Variants in CDC42BPA observed in about 807,000 individuals in gnomAD.
CDC42BPA encodes the protein CDC42 binding protein kinase alpha.
CDC42BPA carries 80 observed loss-of-function variants against 223.5 expected under a neutral mutation model. That is an observed-to-expected ratio of 0.36 (90% confidence interval 0.30 to 0.43). The LOEUF (loss-of-function observed/expected upper bound fraction) is 0.43. Ranked by LOEUF, CDC42BPA falls within the 20% of genes least tolerant of loss-of-function variation. CDC42BPA has a pLI of 1.00. For synonymous variants in CDC42BPA, 694 were observed against 718.6 expected, an observed-to-expected ratio of 0.97 and a Z score of 0.55; for missense variants, 1,743 against 2,099.9, an observed-to-expected ratio of 0.83 and a Z score of 3.32.
chr1:227,183,951 A>G (rs936359427), intron 5 of CDC42BPA, among the ~76,000 whole-genome samples: 3 of 152,190 alleles, frequency 2.0e-5, no homozygotes, highest in African/African-American at 4.8e-5. Context: ...ATTCAATATC[A>G]GTATATTGAA....
chr1:227,136,300 A>G (rs1658554126), intron 10 of CDC42BPA, among the ~76,000 whole-genome samples: 1 of 152,214 alleles, frequency 6.6e-6, no homozygotes, highest in Admixed American at 6.5e-5. Context: ...AGAAGCCAGA[A>G]CTAGTGAACC....
At chr1:227,255,868 G>C (rs563682737) in intron 1 of CDC42BPA, among the ~76,000 whole-genome samples, 84 of 152,198 alleles carry the variant, frequency 5.5e-4, no homozygotes, top group Non-Finnish European at 1.1e-3. Flanking sequence ...TTGTTAATAT[G>C]ACAATGTTAC....
Position 227,028,906 on chromosome 1 carries a change from A to G in CDC42BPA, c.4183T>C (p.Cys1395Arg). 6.2e-7 allele frequency: 1 copy of G among 1,614,020 alleles called. No homozygotes were observed. The highest frequency in any genetic ancestry group is 8.5e-7 in the Non-Finnish European group (1 of 1,179,888). ...AGAAATCCTGACTGGAATCCCACACAGAGTTGTTCACTGAAGATTGCCATC... is the reference window on the plus strand; with the variant it reads ...AGAAATCCTGACTGGAATCCCACACGGAGTTGTTCACTGAAGATTGCCATC... ...QWMAIFSEQL[C>R]VGFQSGFLRY... Residue 1395 changes from cysteine to arginine, a missense_variant, in exon 30 of 37, where the codon TGT becomes CGT. Transcript: ENST00000366766.
chr1:227,270,371 G>A (rs1335846738), intron 1 of CDC42BPA, among the ~76,000 whole-genome samples: 5 of 152,030 alleles, frequency 3.3e-5, no homozygotes, highest in Non-Finnish European at 7.4e-5. Flanking sequence ...TAGGAAAGAC[G>A]GCACCTCCAC....
At chr1:227,114,904 T>TAACTTAAACTTA (rs142952280) in intron 12 of CDC42BPA, among the ~76,000 whole-genome samples, 1 of 144,012 alleles carries the variant, frequency 6.9e-6, no homozygotes, top group South Asian at 2.1e-4. Context: ...TTAGGATATT[T>TAACTTAAACTTA]AACTTAAACT....
At chr1:227,023,719 T>C (rs1201226529) in intron 31 of CDC42BPA, among the ~76,000 whole-genome samples, 1 of 152,122 alleles carries the variant, frequency 6.6e-6, no homozygotes, top group Non-Finnish European at 1.5e-5. Context: ...ATGATGGAGA[T>C]GGAAGGGTAG....
chr1:227,163,166 A>C (rs868755267), intron 5 of CDC42BPA, among the ~76,000 whole-genome samples: 2 of 148,462 alleles, frequency 1.3e-5, no homozygotes, highest in African/African-American at 5.2e-5. Context: ...ATATGTGTGT[A>C]TATGTTTCCA....
chr1:227,165,861 A>G (rs1664945981), intron 5 of CDC42BPA, among the ~76,000 whole-genome samples: 1 of 152,238 alleles, frequency 6.6e-6, no homozygotes, highest in Admixed American at 6.5e-5. Flanking sequence ...TGGAGAGACT[A>G]CTTTTCAATA....
At chr1:227,315,266 T>C (rs1338416644) in intron 1 of CDC42BPA, among the ~76,000 whole-genome samples, 1 of 151,984 alleles carries the variant, frequency 6.6e-6, no homozygotes, top group Non-Finnish European at 1.5e-5. Flanking sequence ...TATACATATA[T>C]AAGAAACAAC....
chr1:227,059,511 C>T (rs1675354284), intron 21 of CDC42BPA: 2 of 1,045,784 alleles, frequency 1.9e-6, no homozygotes, highest in Non-Finnish European at 2.9e-6. Flanking sequence ...TATAAACATA[C>T]ATATAAAGCC....
In CDC42BPA at chr1:227,316,955, C is replaced by T. The variant is rs773337935; in HGVS notation, c.178+50G>A. 10 of 1,386,162 alleles carry T rather than the reference C, an allele frequency of 7.2e-6. No individual in the cohort carries two copies. In the East Asian group the frequency reaches 2.3e-4, roughly 32 times the overall value. The allele number at this position is 1,386,162 out of a possible 1,614,324, so 85.9% of individuals were successfully genotyped here. A position where few individuals can be genotyped will look rare whatever the true frequency, so the allele number is the denominator to read the frequency against. On this transcript the variant is annotated intron_variant, in intron 1 of 36. Coordinates refer to ENST00000366766, the MANE Select transcript of CDC42BPA (RefSeq NM_001394014.1). ...TCATAACTCTCTATACCAATTAAATCATAATGACCAGCTAAAGATTAACAG... is the reference window on the plus strand; with the variant it reads ...TCATAACTCTCTATACCAATTAAATTATAATGACCAGCTAAAGATTAACAG...
chr1:227,302,445 A>C (rs1572961422), intron 1 of CDC42BPA, among the ~76,000 whole-genome samples: 1 of 152,152 alleles, frequency 6.6e-6, no homozygotes, highest in South Asian at 2.1e-4. Context: ...AAATATGAAC[A>C]CTGTCTTCTA....
At chr1:227,245,353 C>T (rs1200869419) in intron 2 of CDC42BPA, among the ~76,000 whole-genome samples, 1 of 144,052 alleles carries the variant, frequency 6.9e-6, no homozygotes, top group African/African-American at 2.5e-5. Flanking sequence ...ACAGTGGTGC[C>T]ATCTCAGCTC....
intron 5 of CDC42BPA, among the ~76,000 whole-genome samples, chr1:227,168,026 G>A (rs1348571357): frequency 6.6e-6 from 1 of 151,874 alleles, no homozygotes; most frequent in African/African-American, 2.4e-5. Flanking sequence ...CTGGGTTCAA[G>A]CAATGCTCCT....
chr1:227,101,478 C>A (rs1017647977), intron 14 of CDC42BPA, among the ~76,000 whole-genome samples: 1 of 152,070 alleles, frequency 6.6e-6, no homozygotes, highest in Non-Finnish European at 1.5e-5. Context: ...TTTCTTCACA[C>A]AAAGATTACA....
At chr1:227,057,175 T>C (rs1027912664) in intron 21 of CDC42BPA, among the ~76,000 whole-genome samples, 2 of 152,164 alleles carry the variant, frequency 1.3e-5, no homozygotes, top group African/African-American at 4.8e-5. Flanking sequence ...GAAAGCACTG[T>C]GGAAATCTCT....
At chr1:227,246,104 C>CGT (rs1406115037) in intron 2 of CDC42BPA, among the ~76,000 whole-genome samples, 1 of 152,174 alleles carries the variant, frequency 6.6e-6, no homozygotes, top group East Asian at 1.9e-4. Context: ...CCTGGCAGCA[C>CGT]TCACCACAAG....
At chr1:227,018,011 C>T (rs1366748395) in intron 32 of CDC42BPA, among the ~76,000 whole-genome samples, 16 of 144,314 alleles carry the variant, frequency 1.1e-4, no homozygotes, top group Admixed American at 8.7e-4. Flanking sequence ...GCTTTCCTAA[C>T]AGTAAATATT....
intron 35 of CDC42BPA, among the ~76,000 whole-genome samples, chr1:226,996,906 G>T (rs1006267935): frequency 4.6e-5 from 7 of 152,188 alleles, no homozygotes; most frequent in African/African-American, 1.7e-4. Flanking sequence ...AGGGATATTG[G>T]CTTGAAATTT....
Sources: allele counts gnomAD v4.1 joint callset (sites outside exome capture counted in the v4.1 genomes callset), GRCh38; gene constraint gnomAD v4.1.1; transcripts MANE v1.5; gene names NCBI Gene and HGNC (gene_info 2026-07-23, HGNC 2026-07-21).